The following GALNT17 variants were observed in gnomAD, a reference collection of about 807,000 sequenced individuals.
The protein encoded by GALNT17 is polypeptide N-acetylgalactosaminyltransferase 17.
Under a neutral mutation model 63.7 loss-of-function variants are expected in GALNT17, and 29 were observed. The observed-to-expected ratio is 0.46, with a 90% CI of 0.34 to 0.62. GALNT17 has a LOEUF of 0.62. Among genes scored for constraint, GALNT17 ranks in the 20% least tolerant of loss-of-function variants. The probability of loss-of-function intolerance (pLI) is 0.01; values close to 1 mark genes in which losing one functional copy is unlikely to be tolerated. For synonymous variants in GALNT17, 305 were observed against 318.3 expected (o/e 0.96, Z 0.45); for missense variants, 603 against 799.6 (o/e 0.75, Z 2.97).
At chr7:71,199,672 C>CCCATCCATCCAT (rs59064900) in intron 1 of GALNT17, among the ~76,000 whole-genome samples, 1 of 123,900 alleles carries the variant, frequency 8.1e-6, no homozygotes, top group African/African-American at 3.5e-5. Context: ...CATCCTTCCA[C>CCCATCCATCCAT]CCATCCATCC....
At chr7:71,137,553 A>G (rs1787809691) in intron 1 of GALNT17, among the ~76,000 whole-genome samples, 1 of 152,182 alleles carries the variant, frequency 6.6e-6, no homozygotes, top group African/African-American at 2.4e-5. Flanking sequence ...TTGAGGAGGT[A>G]AATGATGGCC....
intron 6 of GALNT17, among the ~76,000 whole-genome samples, chr7:71,603,266 A>G (rs1789994012): frequency 6.6e-6 from 1 of 152,114 alleles, no homozygotes; most frequent in Non-Finnish European, 1.5e-5. Flanking sequence ...ACCAGTTACT[A>G]TGCTAAGTGC....
intron 1 of GALNT17, among the ~76,000 whole-genome samples, chr7:71,330,263 T>G (rs1324346320): frequency 1.3e-5 from 2 of 152,192 alleles, no homozygotes; most frequent in Non-Finnish European, 2.9e-5. Context: ...TCCGCCCGCC[T>G]TGGCCTCCCA....
chr7:71,214,546 C>A (rs924202397), intron 1 of GALNT17, among the ~76,000 whole-genome samples: 2 of 150,868 alleles, frequency 1.3e-5, no homozygotes, highest in African/African-American at 2.4e-5. Flanking sequence ...TGCTTCCTCC[C>A]AGGGCACATT....
At chr7:71,378,755 GGAA>G (rs1353797962) in intron 2 of GALNT17, among the ~76,000 whole-genome samples, 2 of 151,912 alleles carry the variant, frequency 1.3e-5, no homozygotes, top group African/African-American at 4.8e-5. Flanking sequence ...AGGTGTACGA[GGAA>G]GAATTGCTTG....
At chr7:71,422,390 CCTTAA>C (rs1310466962) in intron 5 of GALNT17, among the ~76,000 whole-genome samples, 2 of 152,212 alleles carry the variant, frequency 1.3e-5, no homozygotes, top group South Asian at 4.1e-4. Flanking sequence ...ATCTTGAGAT[CCTTAA>C]CTTAACAACA....
At chr7:71,202,749 C>T (rs185767087) in intron 1 of GALNT17, among the ~76,000 whole-genome samples, 131 of 152,290 alleles carry the variant, frequency 8.6e-4, no homozygotes, top group African/African-American at 3.0e-3. Flanking sequence ...CCCGTCAAAC[C>T]GAACCTTTGT....
chr7:71,298,080 G>A (rs529017785), intron 1 of GALNT17, among the ~76,000 whole-genome samples: 37 of 152,140 alleles, frequency 2.4e-4, no homozygotes, highest in Non-Finnish European at 3.1e-4. Flanking sequence ...GGGTGCAGAG[G>A]CACAATCTTG....
At chr7:71,280,215 G>T (rs1457598710) in intron 1 of GALNT17, among the ~76,000 whole-genome samples, 1 of 152,068 alleles carries the variant, frequency 6.6e-6, no homozygotes, top group African/African-American at 2.4e-5. Context: ...TGGGCACAAG[G>T]GACTTTATTC....
At chr7:71,426,822 A>G (rs1786768720) in intron 5 of GALNT17, among the ~76,000 whole-genome samples, 1 of 151,864 alleles carries the variant, frequency 6.6e-6, no homozygotes, top group South Asian at 2.1e-4. Context: ...CGGGAGGATG[A>G]GGCAGGAGAA....
chr7:71,628,749 G>C (rs1277476517), intron 6 of GALNT17, among the ~76,000 whole-genome samples: 1 of 151,418 alleles, frequency 6.6e-6, no homozygotes, highest in East Asian at 2.0e-4. Context: ...TGGCCAACAT[G>C]GTGAAACCGC....
At chr7:71,351,421 TCAGGTCACCTTATGTGGATAA>T (rs1355943728) in intron 2 of GALNT17, among the ~76,000 whole-genome samples, 1 of 152,176 alleles carries the variant, frequency 6.6e-6, no homozygotes, top group East Asian at 1.9e-4. Flanking sequence ...ATCTGGAACC[TCAGGTCACCTTATGTGGATAA>T]CAGGGTCTTT....
chr7:71,156,666 T>TTCCC (rs1461525397), intron 1 of GALNT17, among the ~76,000 whole-genome samples: 2 of 142,904 alleles, frequency 1.4e-5, no homozygotes, highest in Non-Finnish European at 1.5e-5. Flanking sequence ...CCCTTCCTTC[T>TTCCC]TCCCTCCCTC....
intron 1 of GALNT17, among the ~76,000 whole-genome samples, chr7:71,287,569 C>G (rs1210753837): frequency 1.3e-5 from 2 of 152,174 alleles, no homozygotes; most frequent in Non-Finnish European, 2.9e-5. Context: ...GTTAGAGGCA[C>G]TGACCTTATA....
chr7:71,387,566 C>T (rs1350743373), intron 2 of GALNT17, among the ~76,000 whole-genome samples: 2 of 152,166 alleles, frequency 1.3e-5, no homozygotes, highest in Admixed American at 1.3e-4. Context: ...CCTCAAGCGA[C>T]GCTCCCACGT....
chr7:71,320,337 A>G (rs1487259429), intron 1 of GALNT17, among the ~76,000 whole-genome samples: 1 of 151,972 alleles, frequency 6.6e-6, no homozygotes, highest in Non-Finnish European at 1.5e-5. Context: ...CTTGGGCTCA[A>G]GCAATCCTCC....
In GALNT17 at chr7:71,566,696, A is replaced by G. The variant is rs566584974; in HGVS notation, c.963-4589A>G. Among the ~76,000 whole-genome samples, 21 of 143,144 alleles carry G rather than the reference A, an allele frequency of 1.5e-4. No homozygotes were observed. In the Admixed American group the frequency reaches 1.5e-3, roughly 10 times the overall value. The allele number at this position is 143,144 out of a possible 152,430, so 93.9% of individuals were successfully genotyped here. A position where few individuals can be genotyped will look rare whatever the true frequency, so the allele number is the denominator to read the frequency against. ...TTTTTTTTTTTTCCTGCTCTGGATC[A>G]TAAGTAGGAGGGGTTAGCGTAGGTC... On this transcript the variant is annotated intron_variant, in intron 5 of 10. Coordinates refer to ENST00000333538, the MANE Select transcript of GALNT17 (RefSeq NM_022479.3).
At chr7:71,510,911 A>G (rs1036766062) in intron 5 of GALNT17, among the ~76,000 whole-genome samples, 1 of 152,124 alleles carries the variant, frequency 6.6e-6, no homozygotes, top group Non-Finnish European at 1.5e-5. Flanking sequence ...AGTGCCTCAC[A>G]CCTGTAATCC....
At chr7:71,279,420 T>C (rs956929596) in intron 1 of GALNT17, among the ~76,000 whole-genome samples, 4 of 152,002 alleles carry the variant, frequency 2.6e-5, no homozygotes, top group South Asian at 2.1e-4. Flanking sequence ...ATGTGGGGAT[T>C]ATGGGAATTA....
Sources: gnomAD v4.1 joint callset for allele counts (sites outside exome capture counted in the v4.1 genomes callset) on GRCh38, gnomAD v4.1.1 for gene constraint, MANE v1.5 for transcripts, NCBI Gene and HGNC (gene_info 2026-07-23, HGNC 2026-07-21) for gene names.